The following ERMAP variants were observed in gnomAD, a reference collection of about 807,000 sequenced individuals.
ERMAP encodes erythroblast membrane associated protein (Scianna blood group), also known as erythroid membrane-associated protein.
Under a neutral mutation model 49.5 loss-of-function variants are expected in ERMAP, and 34 were observed. The ratio of observed to expected loss-of-function variants is 0.69; its 90% CI spans 0.52 to 0.91. The LOEUF is 0.91. ERMAP is among the 40% of genes least tolerant of loss of function. The pLI is 0.00. For synonymous variants in ERMAP, 214 were observed against 232.2 expected (o/e 0.92, Z 0.71); for missense variants, 541 against 582.6 (o/e 0.93, Z 0.74).
At chr1:42,842,397 T>C in intron 11 of ERMAP, 120 bp from the exon 12 acceptor site, 1 of 823,002 alleles carries the variant, frequency 1.2e-6, no homozygotes, top group Non-Finnish European at 1.9e-6. Context: ...CGGGAATCCA[T>C]GAACTAAAAT....
At chr1:42,837,232 ATTCT>A in intron 7 of ERMAP, 42 bp downstream of exon 7, 3 of 1,587,246 alleles carry the variant, frequency 1.9e-6, no homozygotes, top group Non-Finnish European at 2.6e-6. Context: ...CAAAAAACAC[ATTCT>A]TTATTTTTCT....
chr1:42,823,212 T>C (rs1332161116), intron 1 of ERMAP, among the ~76,000 whole-genome samples: 2 of 152,214 alleles, frequency 1.3e-5, no homozygotes, highest in African/African-American at 4.8e-5. Flanking sequence ...CTTTTTATAC[T>C]CTATTACAGC....
chr1:42,821,167 A>G (rs967257160), intron 1 of ERMAP, among the ~76,000 whole-genome samples: 5 of 152,200 alleles, frequency 3.3e-5, no homozygotes, highest in Non-Finnish European at 5.9e-5. Flanking sequence ...TGACATCTCT[A>G]TTGCACAGTT....
rs755611809 is a variant in ERMAP at position 42,840,051 on chromosome 1, T to C, written c.656T>C (p.Leu219Pro). Residue 219 changes from leucine (L) to proline (P), a missense_variant and splice_region_variant, in exon 9 of 12, where the codon CTG becomes CCG. By Grantham distance (98) the Leu-to-Pro change is moderately conservative (BLOSUM62 -3). Coordinates refer to ENST00000372517, the MANE Select transcript of ERMAP (RefSeq NM_001017922.2). ...HKAVKKLRSE[L>P]KLKRAAANSG... is the part of the protein sequence containing the mutation. ...TCTTTAGAGAAACTCCGGAGTGAAC[T>C]GAGTAAGTTTCCCATGTTCTTGTAA... The C allele has an allele frequency of 1.1e-5, 17 of 1,614,054 alleles. No homozygotes were observed. Among genetic ancestry groups the C allele is most frequent in the Admixed American group, 5.0e-5 (3 of 60,006 alleles).
chr1:42,823,231 C>T (rs916597054), intron 1 of ERMAP, among the ~76,000 whole-genome samples: 1 of 152,204 alleles, frequency 6.6e-6, no homozygotes, highest in Non-Finnish European at 1.5e-5. Context: ...GCAACACTCA[C>T]AGTTTTTTCT....
At chr1:42,828,797 C>T (rs192393279) in intron 2 of ERMAP, among the ~76,000 whole-genome samples, 2 of 152,272 alleles carry the variant, frequency 1.3e-5, no homozygotes, top group East Asian at 3.9e-4. Context: ...CATGCCCAGC[C>T]TAGAGCTCAC....
intron 1 of ERMAP, 62 bp downstream of exon 1, chr1:42,817,315 G>A (rs1374915301): frequency 3.5e-6 from 4 of 1,151,288 alleles, no homozygotes; most frequent in Admixed American, 3.1e-5. Context: ...CCCTCGTCCT[G>A]GGCGGGGCCG....
At position 42,843,868 on chromosome 1, in the gene ERMAP, C is replaced by T. The variant is rs1269956512; in HGVS notation, c.*636C>T. The T allele has an allele frequency of 2.5e-6, 1 of 394,436 alleles. No homozygotes were observed. Among genetic ancestry groups the T allele is most frequent in the Admixed American group, 4.4e-5 (1 of 22,638 alleles). 24.4% of individuals were successfully genotyped at this position (394,436 alleles called of 1,614,324 possible). On this transcript the variant is annotated 3_prime_UTR_variant, in exon 12 of 12. Coordinates refer to ENST00000372517, the MANE Select transcript of ERMAP (RefSeq NM_001017922.2). ...TACATGCTTTCAAAAGCTAATCTGC[C>T]TGTTGATGGTAACTAGGTACAGCGA...
chr1:42,818,169 G>C (rs902418406), intron 1 of ERMAP, among the ~76,000 whole-genome samples: 39 of 152,330 alleles, frequency 2.6e-4, no homozygotes, highest in African/African-American at 9.4e-4. Flanking sequence ...AGCAAGCAAT[G>C]AACTCAGCCC....
intron 1 of ERMAP, among the ~76,000 whole-genome samples, chr1:42,822,108 A>G (rs2124280924): frequency 6.6e-6 from 1 of 151,756 alleles, no homozygotes; most frequent in East Asian, 1.9e-4. Context: ...ACATATATTT[A>G]TGAAAAGCAA....
intron 4 of ERMAP, among the ~76,000 whole-genome samples, chr1:42,831,920 T>C (rs370925390): frequency 6.6e-5 from 10 of 152,074 alleles, no homozygotes; most frequent in African/African-American, 2.4e-4. Flanking sequence ...AAAAACAGTT[T>C]ACTGAAAATC....
chr1:42,830,269 A>G, intron 2 of ERMAP, 175 bp from the exon 3 acceptor site: 2 of 605,730 alleles, frequency 3.3e-6, no homozygotes, highest in Non-Finnish European at 3.0e-6. Context: ...ACACAGTCTC[A>G]GAGAAGTTCG....
intron 6 of ERMAP, 28 bp downstream of exon 6, chr1:42,835,792 G>A (rs1359981570): frequency 2.5e-6 from 4 of 1,595,008 alleles, no homozygotes; most frequent in Non-Finnish European, 3.4e-6. Flanking sequence ...GGGGGCAGGG[G>A]AGATGTTTCT....
chr1:42,823,414 CT>C (rs1303979520), intron 1 of ERMAP, among the ~76,000 whole-genome samples: 1 of 152,140 alleles, frequency 6.6e-6, no homozygotes, highest in African/African-American at 2.4e-5. Context: ...TCAGAAAAGT[CT>C]TTTGCTATTG....
chr1:42,839,932 A>C, intron 8 of ERMAP, 101 bp from the exon 9 acceptor site: 2 of 1,171,536 alleles, frequency 1.7e-6, no homozygotes, highest in Non-Finnish European at 2.5e-6. Flanking sequence ...ATAGCTATTG[A>C]GTATCTGTCT....
At chr1:42,829,658 A>C (rs1378111947) in intron 2 of ERMAP, among the ~76,000 whole-genome samples, 1 of 152,214 alleles carries the variant, frequency 6.6e-6, no homozygotes, top group Admixed American at 6.5e-5. Context: ...GTTAGTAATA[A>C]TAACAACAAC....
At chr1:42,821,246 C>T (rs531693908) in intron 1 of ERMAP, among the ~76,000 whole-genome samples, 10 of 152,254 alleles carry the variant, frequency 6.6e-5, no homozygotes, top group South Asian at 2.1e-4. Flanking sequence ...CATTTTAGAT[C>T]ATTTTGGGAG....
chr1:42,836,421 A>AG (rs1654895616), intron 6 of ERMAP, among the ~76,000 whole-genome samples: 1 of 152,098 alleles, frequency 6.6e-6, no homozygotes, highest in Non-Finnish European at 1.5e-5. Context: ...TGCAGGAGTG[A>AG]GGGGAAAAGT....
Position 42,844,418 on chromosome 1 carries a change from G to A in ERMAP, c.*1186G>A, listed in dbSNP as rs552470940. On this transcript the variant is annotated 3_prime_UTR_variant, in exon 12 of 12. Transcript: ENST00000372517. The surrounding 1 kb of genome is among the most constrained non-coding windows in gnomAD (Gnocchi z 4.0). ...TCTTTCTGTTTGTCAGAAGTTCTCCGTTAGTTCCTGTATTAGTCAAGGTTT... is the reference window on the plus strand; with the variant it reads ...TCTTTCTGTTTGTCAGAAGTTCTCCATTAGTTCCTGTATTAGTCAAGGTTT... 4.4e-5 allele frequency: 12 copies of A among 273,634 alleles called. No homozygotes were observed. The highest frequency in any genetic ancestry group is 1.9e-4 in the East Asian group (3 of 16,026). The allele number at this position is 273,634 out of a possible 1,614,324, so 17.0% of individuals were successfully genotyped here. A position where few individuals can be genotyped will look rare whatever the true frequency, so the allele number is the denominator to read the frequency against.
Sources: allele counts gnomAD v4.1 joint callset (sites outside exome capture counted in the v4.1 genomes callset), GRCh38; gene constraint gnomAD v4.1.1; non-coding constraint Gnocchi (gnomAD v3.1); transcripts MANE v1.5; gene names NCBI Gene and HGNC (gene_info 2026-07-23, HGNC 2026-07-21).